Variants in SPRED1 observed in about 807,000 individuals in gnomAD.
The protein encoded by SPRED1 is sprouty-related, EVH1 domain-containing protein 1.
SPRED1 carries 18 observed loss-of-function variants against 52.3 expected under a neutral mutation model. That is an observed-to-expected ratio of 0.34 (90% CI 0.24 to 0.51). The LOEUF (loss-of-function observed/expected upper bound fraction) is 0.51. SPRED1 is among the 20% of genes least tolerant of loss of function. SPRED1 has a pLI of 0.97. For synonymous variants in SPRED1, 155 were observed against 179.7 expected (o/e 0.86, Z 1.10); for missense variants, 485 against 551.0 (o/e 0.88, Z 1.20).
chr15:38,268,712 A>G (rs985302197), intron 1 of SPRED1, among the ~76,000 whole-genome samples: 1 of 152,218 alleles, frequency 6.6e-6, no homozygotes, highest in Non-Finnish European at 1.5e-5. Context: ...CTTTATGTTA[A>G]TGAAAGTAAG....
At chr15:38,284,906 GAT>G (rs1894772978) in intron 1 of SPRED1, among the ~76,000 whole-genome samples, 1 of 149,586 alleles carries the variant, frequency 6.7e-6, no homozygotes, top group Admixed American at 6.7e-5. Flanking sequence ...CAGAAATTTT[GAT>G]TCAAAGTTTT....
intron 1 of SPRED1, among the ~76,000 whole-genome samples, chr15:38,275,653 A>G (rs1894534109): frequency 6.6e-6 from 1 of 152,100 alleles, no homozygotes; most frequent in African/African-American, 2.4e-5. Flanking sequence ...GCGCACCATC[A>G]TGCCCAGCTA....
Position 38,322,318 on chromosome 15 carries a change from T to G in SPRED1, c.285T>G (p.Asp95Glu). The G allele has an allele frequency of 6.2e-7, 1 of 1,613,942 alleles. No homozygotes were observed. ...CAACATTTCACCACTGGAAGATTGA[T>G]GACAAGAAGTTTGGTCTTACGTTTC... ...VTPTFHHWKI[D>E]DKKFGLTFQS... The change falls in exon 3 of 7, where the codon GAT becomes GAG. Residue 95 changes from aspartate (D) to glutamate (E), a missense_variant. Coordinates refer to ENST00000299084, the MANE Select transcript of SPRED1 (RefSeq NM_152594.3).
Position 38,319,770 on chromosome 15 carries a change from C to A in SPRED1, c.208-2471C>A, listed in dbSNP as rs72711727. On this transcript the variant is annotated intron_variant, in intron 2 of 6. Coordinates refer to ENST00000299084, the MANE Select transcript of SPRED1 (RefSeq NM_152594.3). ...CTGCATTGCCTATAAACGGGCAGGA[C>A]TGAACCTTAGTCACATTTTTGGTTA... Among the ~76,000 whole-genome samples, 340 of 152,312 alleles carry A rather than the reference C, an allele frequency of 2.2e-3. 1 individual carries two copies. The highest frequency in any genetic ancestry group is 3.4e-3 in the Non-Finnish European group (233 of 68,028).
At chr15:38,284,926 T>A (rs1054241352) in intron 1 of SPRED1, among the ~76,000 whole-genome samples, 2 of 152,108 alleles carry the variant, frequency 1.3e-5, no homozygotes, top group East Asian at 3.9e-4. Flanking sequence ...TTTGGTGGGA[T>A]CTAGGAATCA....
chr15:38,352,221 C>T lies in SPRED1; in HGVS notation c.*557C>T, dbSNP rs1207345399. 1 of 153,452 alleles carries T rather than the reference C, an allele frequency of 6.5e-6. No individual in the cohort carries two copies. The highest frequency in any genetic ancestry group is 2.4e-5 in the African/African-American group (1 of 40,924). 9.5% of individuals were successfully genotyped at this position (153,452 alleles called of 1,614,324 possible). ...ATTATTACATATTAAACTTTTCTTC[C>T]CCTTCCTAGTTCTGAAGTAGATATA... On this transcript the variant is annotated 3_prime_UTR_variant, in exon 7 of 7. Transcript: ENST00000299084.
intron 1 of SPRED1, among the ~76,000 whole-genome samples, chr15:38,264,369 C>T (rs1255444332): frequency 3.3e-5 from 5 of 152,228 alleles, no homozygotes; most frequent in Admixed American, 6.5e-5. Flanking sequence ...TAGATTGACA[C>T]ATAGAACTGA....
At chr15:38,283,715 T>G (rs1478937082) in intron 1 of SPRED1, among the ~76,000 whole-genome samples, 2 of 152,226 alleles carry the variant, frequency 1.3e-5, no homozygotes, top group African/African-American at 4.8e-5. Flanking sequence ...AAATCCTTAC[T>G]CAGTGATGTG....
intron 1 of SPRED1, among the ~76,000 whole-genome samples, chr15:38,272,283 T>TTTTTTTTTTTTTTTG (rs1894452442): frequency 6.6e-6 from 1 of 150,432 alleles, no homozygotes; most frequent in African/African-American, 2.4e-5. Flanking sequence ...TAGGTTTTTT[T>TTTTTTTTTTTTTTTG]TTTGAGATGA....
intron 1 of SPRED1, among the ~76,000 whole-genome samples, chr15:38,292,801 C>T (rs546422100): frequency 2.6e-5 from 4 of 152,178 alleles, no homozygotes; most frequent in Admixed American, 1.3e-4. Context: ...TAATTCTTAG[C>T]GTTAAAAGTT....
At chr15:38,297,119 C>T (rs1895057166) in intron 1 of SPRED1, among the ~76,000 whole-genome samples, 2 of 152,178 alleles carry the variant, frequency 1.3e-5, no homozygotes, top group African/African-American at 4.8e-5. Context: ...GCCTCTAGAA[C>T]TGTGAGAAAT....
At chr15:38,336,160 G>A (rs999479427) in intron 4 of SPRED1, among the ~76,000 whole-genome samples, 2 of 151,372 alleles carry the variant, frequency 1.3e-5, no homozygotes, top group East Asian at 1.9e-4. Flanking sequence ...TGACAACACC[G>A]TATTTCACTT....
chr15:38,299,698 A>ATT, intron 2 of SPRED1, 151 bp downstream of exon 2: 2 of 800,102 alleles, frequency 2.5e-6, no homozygotes, highest in Non-Finnish European at 4.0e-6. Context: ...GAAATACAAC[A>ATT]TTTTTTTTTC....
At chr15:38,346,313 CAAA>C (rs59137914) in intron 5 of SPRED1, among the ~76,000 whole-genome samples, 3 of 147,186 alleles carry the variant, frequency 2.0e-5, no homozygotes, top group Admixed American at 6.7e-5. Context: ...GACCTTGTCT[CAAA>C]AAAAAAAAAA....
chr15:38,260,272 G>A (rs1425770734), intron 1 of SPRED1, among the ~76,000 whole-genome samples: 4 of 152,126 alleles, frequency 2.6e-5, no homozygotes, highest in Admixed American at 2.0e-4. Flanking sequence ...GTGGTTGTTG[G>A]GAACCTTTCA....
chr15:38,348,673 G>T (rs1451126150), intron 5 of SPRED1, among the ~76,000 whole-genome samples: 1 of 151,974 alleles, frequency 6.6e-6, no homozygotes, highest in Admixed American at 6.6e-5. Context: ...AAAATAAGAA[G>T]TAAACAAGAT....
rs1375474473 is a variant in SPRED1, at chr15:38,339,851, G to T, written c.538G>T (p.Asp180Tyr). 1.9e-6 allele frequency: 3 copies of T among 1,613,914 alleles called. No individual in the cohort carries two copies. The East Asian group carries it at 6.7e-5, about 36-fold the overall frequency. Residue 180 changes from aspartate (D) to tyrosine (Y), a missense_variant, in exon 5 of 7, where the codon GAT becomes TAT. By Grantham distance (160) the Asp-to-Tyr change is radical. Transcript: ENST00000299084. The part of the protein sequence containing the change: ...SSNIRPSPFE[D>Y]LNARRVYMQS... ...AAATATAAGACCTTCTCCCTTTGAA[G>T]ATCTGAATGCCAGAAGAGTCTACAT...
At position 38,351,302 on chromosome 15, in the gene SPRED1, C is replaced by T. The variant is rs1057518683; in HGVS notation, c.973C>T (p.Arg325Ter). 1.2e-6 allele frequency: 2 copies of T among 1,613,860 alleles called. No individual in the cohort carries two copies. Among genetic ancestry groups the T allele is most frequent in the African/African-American group, 1.3e-5 (1 of 74,868 alleles). ...PSSLKIKKSK[R>*]RKEDGERSRC... ...CTCATTAAAAATTAAGAAGTCAAAA[C>T]GAAGAAAAGAGGATGGTGAACGTTC... Residue 325 changes from arginine to a stop codon, truncating the protein, a stop_gained, in exon 7 of 7, where the codon CGA becomes TGA. Transcript: ENST00000299084. LOFTEE classifies it high-confidence loss of function.
intron 1 of SPRED1, among the ~76,000 whole-genome samples, chr15:38,275,779 A>G (rs1028172996): frequency 2.6e-5 from 4 of 152,220 alleles, no homozygotes; most frequent in African/African-American, 7.2e-5. Flanking sequence ...TACAGGCGTG[A>G]GCCAGTGCAC....
Sources: allele counts gnomAD v4.1 joint callset (sites outside exome capture counted in the v4.1 genomes callset), GRCh38; gene constraint gnomAD v4.1.1; transcripts MANE v1.5; gene names NCBI Gene and HGNC (gene_info 2026-07-23, HGNC 2026-07-21).